The following GRK5 variants were observed in gnomAD, a reference collection of about 807,000 sequenced individuals.
The protein encoded by GRK5 is G protein-coupled receptor kinase 5.
A neutral mutation model predicts 78.4 loss-of-function variants in GRK5; 40 were observed. That is an observed-to-expected ratio of 0.51 (90% CI 0.40 to 0.66). The LOEUF (loss-of-function observed/expected upper bound fraction) is 0.66, where lower values mean the gene tolerates loss of function less well. Among genes scored for constraint, GRK5 ranks in the 30% least tolerant of loss-of-function variants. The probability of loss-of-function intolerance (pLI) is 0.00; values close to 1 mark genes in which losing one functional copy is unlikely to be tolerated. For missense variants in GRK5, 598 were observed against 759.9 expected (o/e 0.79, Z 2.50); for synonymous variants, 289 against 296.8 (o/e 0.97, Z 0.27).
chr10:119,415,081 CAAAAAAAAAAAA>C (rs762165768), intron 4 of GRK5, among the ~76,000 whole-genome samples: 1 of 75,742 alleles, frequency 1.3e-5, no homozygotes, highest in African/African-American at 4.8e-5. Context: ...GACTCTGTCT[CAAAAAAAAAAAA>C]AAAAAAAAAA....
At chr10:119,349,623 G>A (rs1851158015) in intron 2 of GRK5, among the ~76,000 whole-genome samples, 1 of 152,196 alleles carries the variant, frequency 6.6e-6, no homozygotes, top group African/African-American at 2.4e-5. Context: ...ACCAGGCCTC[G>A]AGATGGTCTT....
intron 1 of GRK5, among the ~76,000 whole-genome samples, chr10:119,312,394 G>A (rs925854727): frequency 1.3e-5 from 2 of 152,224 alleles, no homozygotes; most frequent in African/African-American, 4.8e-5. Context: ...GAGGGTTCCA[G>A]GCAGAGGGAG....
At chr10:119,300,405 C>A (rs574869924) in intron 1 of GRK5, among the ~76,000 whole-genome samples, 1 of 152,212 alleles carries the variant, frequency 6.6e-6, no homozygotes, top group African/African-American at 2.4e-5. Context: ...CAGAGTGCAT[C>A]TCCCATGAGG....
At chr10:119,364,929 T>G (rs531394371) in intron 2 of GRK5, among the ~76,000 whole-genome samples, 1 of 152,248 alleles carries the variant, frequency 6.6e-6, no homozygotes, top group African/African-American at 2.4e-5. Flanking sequence ...ACAATCATAT[T>G]CTTTGATCAT....
intron 3 of GRK5, among the ~76,000 whole-genome samples, chr10:119,385,297 C>G (rs1392606811): frequency 6.6e-6 from 1 of 152,106 alleles, no homozygotes; most frequent in Non-Finnish European, 1.5e-5. Context: ...CAGGGTCTCA[C>G]TCTGTCATCC....
intron 2 of GRK5, chr10:119,334,421 A>G (rs536622012): frequency 1.3e-5 from 2 of 153,508 alleles, no homozygotes; most frequent in African/African-American, 4.8e-5. Flanking sequence ...CAGACAGACC[A>G]TGAGAGGAAG....
intron 2 of GRK5, among the ~76,000 whole-genome samples, chr10:119,346,754 G>A (rs1054800864): frequency 1.1e-4 from 17 of 152,228 alleles, no homozygotes; most frequent in South Asian, 6.2e-4. Flanking sequence ...CCTGCTCACC[G>A]GGTCCCCCAG....
At chr10:119,380,775 T>C (rs1410003464) in intron 2 of GRK5, 40 bp from the exon 3 acceptor site, 4 of 1,320,252 alleles carry the variant, frequency 3.0e-6, no homozygotes, top group Non-Finnish European at 3.3e-6. Context: ...TGCCTGGCCT[T>C]CTCCTGGGTC....
At chr10:119,375,805 C>T (rs1214350174) in intron 2 of GRK5, among the ~76,000 whole-genome samples, 1 of 152,158 alleles carries the variant, frequency 6.6e-6, no homozygotes, top group Non-Finnish European at 1.5e-5. Flanking sequence ...ATGTCGTTTT[C>T]TTGAAGCCAG....
At chr10:119,328,112 G>A (rs375032465) in intron 2 of GRK5, among the ~76,000 whole-genome samples, 24 of 152,358 alleles carry the variant, frequency 1.6e-4, no homozygotes, top group African/African-American at 4.1e-4. Context: ...TGCCCTCGTC[G>A]GGAGACCAGG....
At chr10:119,383,759 G>A (rs1293426182) in intron 3 of GRK5, among the ~76,000 whole-genome samples, 3 of 152,220 alleles carry the variant, frequency 2.0e-5, no homozygotes, top group African/African-American at 7.2e-5. Context: ...GCAGTTATCA[G>A]TAGTCTCCTT....
At chr10:119,303,583 G>A (rs867113813) in intron 1 of GRK5, among the ~76,000 whole-genome samples, 1 of 152,184 alleles carries the variant, frequency 6.6e-6, no homozygotes, top group Non-Finnish European at 1.5e-5. Context: ...ATTTGGACTT[G>A]ATTCTAAACC....
chr10:119,443,406 G>T, intron 11 of GRK5, 138 bp from the exon 12 acceptor site: 5 of 709,690 alleles, frequency 7.0e-6, no homozygotes, highest in Non-Finnish European at 1.2e-5. Flanking sequence ...ATCAGGGCAA[G>T]CTCCCTGGAG....
Position 119,453,191 on chromosome 10 carries a change from A to G in GRK5, c.1589A>G (p.Asn530Ser). ...CFKELNVFGPNGTLPPDLNRN... is the reference protein window; with the variant it reads ...CFKELNVFGPSGTLPPDLNRN... Reference sequence around the variant, plus strand: ...AAGGAGCTGAACGTGTTTGGACCTAATGGTACCCTCCCGCCAGATCTGAAC... The same window carrying G: ...AAGGAGCTGAACGTGTTTGGACCTAGTGGTACCCTCCCGCCAGATCTGAAC... The change falls in exon 15 of 16, where the codon AAT (asparagine) becomes AGT (serine). Residue 530 changes from asparagine to serine, a missense_variant. By Grantham distance (46) the Asn-to-Ser change is conservative. Transcript: ENST00000392870. 6.3e-7 allele frequency: 1 copy of G among 1,594,034 alleles called. No individual in the cohort carries two copies. Among genetic ancestry groups the G allele is most frequent in the Non-Finnish European group, 8.6e-7 (1 of 1,161,890 alleles).
chr10:119,418,457 C>T (rs904657276), intron 4 of GRK5, among the ~76,000 whole-genome samples: 8 of 152,174 alleles, frequency 5.3e-5, no homozygotes, highest in Non-Finnish European at 7.4e-5. Flanking sequence ...TGTCTCCTGC[C>T]AGCACCCCAG....
chr10:119,393,269 G>A (rs7908848), intron 3 of GRK5, among the ~76,000 whole-genome samples: 5,594 of 152,354 alleles, frequency 0.037, 311 homozygotes, highest in African/African-American at 0.12. Flanking sequence ...TCCCGGCAGG[G>A]GAGGCCTGTC....
At chr10:119,229,111 T>C (rs989587788) in intron 1 of GRK5, among the ~76,000 whole-genome samples, 62 of 152,068 alleles carry the variant, frequency 4.1e-4, no homozygotes, top group African/African-American at 1.4e-3. Context: ...TTTCGGAAAA[T>C]CAAATTTTGT....
At chr10:119,358,659 A>C (rs1851306623) in intron 2 of GRK5, among the ~76,000 whole-genome samples, 1 of 152,190 alleles carries the variant, frequency 6.6e-6, no homozygotes, top group Admixed American at 6.5e-5. Context: ...GGGATTCCTC[A>C]GAGGTCACCA....
intron 1 of GRK5, among the ~76,000 whole-genome samples, chr10:119,304,939 TC>T (rs1306652668): frequency 1.3e-5 from 2 of 152,064 alleles, no homozygotes; most frequent in African/African-American, 4.8e-5. Flanking sequence ...TTTCTTCCCT[TC>T]CTTCTTCCCT....
Sources: gnomAD v4.1 joint callset for allele counts (sites outside exome capture counted in the v4.1 genomes callset) on GRCh38, gnomAD v4.1.1 for gene constraint, MANE v1.5 for transcripts, NCBI Gene and HGNC (gene_info 2026-07-23, HGNC 2026-07-21) for gene names.